The following APOO variants were observed in gnomAD, a reference collection of about 807,000 sequenced individuals.
The protein encoded by APOO is MICOS complex subunit MIC26.
In APOO, 11 loss-of-function variants were observed where a neutral mutation model predicts 23.1. That is an observed-to-expected ratio of 0.48 (90% CI 0.30 to 0.79). The LOEUF (loss-of-function observed/expected upper bound fraction) is 0.79. APOO is among the 30% of genes least tolerant of loss of function. The probability of loss-of-function intolerance (pLI) is 0.07; values close to 1 mark genes in which losing one functional copy is unlikely to be tolerated. For missense variants in APOO, 160 were observed against 142.7 expected (o/e 1.12, Z -0.62); for synonymous variants, 59 against 54.8 (o/e 1.08, Z -0.34).
chrX:23,860,894 C>G (rs1331355048), intron 5 of APOO, among the ~76,000 whole-genome samples: 1 of 107,525 alleles, frequency 9.3e-6, no homozygotes, highest in African/African-American at 3.4e-5. Flanking sequence ...AATCCCAGCA[C>G]TTTGGGAGGC....
At chrX:23,848,195 C>T (rs756889889) in intron 7 of APOO, among the ~76,000 whole-genome samples, 2 of 107,406 alleles carry the variant, frequency 1.9e-5, no homozygotes, top group South Asian at 8.1e-4. Context: ...GACAAAATCT[C>T]ACTCTGTCGC....
intron 4 of APOO, among the ~76,000 whole-genome samples, chrX:23,873,337 C>T (rs912803285): frequency 1.8e-4 from 20 of 111,347 alleles, no homozygotes; most frequent in Non-Finnish European, 9.4e-5. Flanking sequence ...GGGCCAGGTA[C>T]GGTGGCTCAC....
intron 1 of APOO, among the ~76,000 whole-genome samples, chrX:23,904,234 G>A (rs960309779): frequency 1.4e-4 from 16 of 110,957 alleles, no homozygotes. Context: ...CCTCTCCCCT[G>A]TGATTAAGTG....
intron 5 of APOO, among the ~76,000 whole-genome samples, chrX:23,863,745 G>T (rs1386913757): frequency 9.0e-6 from 1 of 110,904 alleles, no homozygotes; most frequent in Non-Finnish European, 1.9e-5. Context: ...AAAGTGTGAA[G>T]AAGACCAGTC....
intron 1 of APOO, among the ~76,000 whole-genome samples, chrX:23,892,116 C>T (rs1011396490): frequency 1.8e-5 from 2 of 108,994 alleles, no homozygotes; most frequent in East Asian, 5.7e-4. Flanking sequence ...CAGAGTTTTG[C>T]TCTTTCACCC....
chrX:23,874,176 G>A (rs753630704), intron 4 of APOO, among the ~76,000 whole-genome samples: 1 of 111,360 alleles, frequency 9.0e-6, no homozygotes, highest in East Asian at 2.8e-4. Context: ...GCTAGCCCAA[G>A]AATCCTAACG....
chrX:23,855,485 T>C (rs767442472), intron 7 of APOO, among the ~76,000 whole-genome samples: 1 of 111,791 alleles, frequency 8.9e-6, no homozygotes, highest in Non-Finnish European at 1.9e-5. Context: ...AGCTCAGTTA[T>C]TTATTTTTTT....
intron 8 of APOO, among the ~76,000 whole-genome samples, chrX:23,834,670 C>T (rs1348229219): frequency 9.0e-6 from 1 of 110,747 alleles, no homozygotes. Context: ...ATAAAATACA[C>T]ATATAGTCAA....
At chrX:23,866,214 C>A (rs1004288790) in intron 5 of APOO, among the ~76,000 whole-genome samples, 5 of 112,105 alleles carry the variant, frequency 4.5e-5, no homozygotes, top group African/African-American at 1.6e-4. Context: ...AATCCCAACA[C>A]CCTGGCCTTG....
chrX:23,875,830 T>C (rs1261383761), intron 3 of APOO, among the ~76,000 whole-genome samples: 1 of 111,241 alleles, frequency 9.0e-6, no homozygotes. Flanking sequence ...TCTAAAGAAC[T>C]GAGTATCGCT....
intron 3 of APOO, among the ~76,000 whole-genome samples, chrX:23,876,627 C>T (rs1925869113): frequency 9.1e-6 from 1 of 109,635 alleles, no homozygotes; most frequent in African/African-American, 3.3e-5. Context: ...GGTGAAACCC[C>T]GTCTCTACTA....
intron 4 of APOO, among the ~76,000 whole-genome samples, chrX:23,868,910 CTTT>C (rs376256040): frequency 2.0e-5 from 2 of 98,091 alleles, no homozygotes. Context: ...TCTTTTCTTT[CTTT>C]TTTTTTTTTT....
chrX:23,834,633 G>A (rs527743679), intron 8 of APOO, among the ~76,000 whole-genome samples: 2 of 110,354 alleles, frequency 1.8e-5, no homozygotes, highest in African/African-American at 3.3e-5. Context: ...AATTTTCCTC[G>A]CATCACCCCC....
At chrX:23,874,352 A>G (rs1441056160) in intron 4 of APOO, 51 bp downstream of exon 4, 1 of 1,031,761 alleles carries the variant, frequency 9.7e-7, no homozygotes, top group Admixed American at 2.2e-5. Flanking sequence ...CCGATTAAAG[A>G]GTTCAATGTT....
chrX:23,884,613 A>G (rs1305833917), intron 1 of APOO, among the ~76,000 whole-genome samples: 1 of 111,767 alleles, frequency 8.9e-6, no homozygotes, highest in Non-Finnish European at 1.9e-5. Flanking sequence ...GGAAGTAGAG[A>G]GCACAATGGT....
intron 1 of APOO, among the ~76,000 whole-genome samples, chrX:23,886,348 C>T (rs769797984): frequency 8.9e-6 from 1 of 111,928 alleles, no homozygotes; most frequent in African/African-American, 3.2e-5. Context: ...AGAAGTGGCA[C>T]AAGTGAACTT....
intron 7 of APOO, among the ~76,000 whole-genome samples, chrX:23,844,192 T>C (rs1924128620): frequency 8.9e-6 from 1 of 111,995 alleles, no homozygotes; most frequent in Non-Finnish European, 1.9e-5. Flanking sequence ...ATAAACATTA[T>C]CTATCCTATA....
intron 8 of APOO, among the ~76,000 whole-genome samples, chrX:23,838,767 C>T (rs996818292): frequency 1.8e-5 from 2 of 111,381 alleles, no homozygotes; most frequent in Non-Finnish European, 3.8e-5. Context: ...ACAACCAACA[C>T]GAATCACTTT....
chrX:23,836,170 G>A (rs1408116125), intron 8 of APOO, among the ~76,000 whole-genome samples: 2 of 112,682 alleles, frequency 1.8e-5, no homozygotes, highest in African/African-American at 6.4e-5. Context: ...TCTCTCTGTT[G>A]CCCAGGCTGG....
Sources: allele counts gnomAD v4.1 joint callset (sites outside exome capture counted in the v4.1 genomes callset), GRCh38; gene constraint gnomAD v4.1.1; transcripts MANE v1.5; gene names NCBI Gene and HGNC (gene_info 2026-07-23, HGNC 2026-07-21).